Variants in NAV1 observed in about 807,000 individuals in gnomAD.
NAV1 encodes the protein pore membrane and/or filament interacting like protein 3.
In NAV1, 18 loss-of-function variants were observed where a neutral mutation model predicts 175.2. The ratio of observed to expected loss-of-function variants is 0.10; its 90% CI spans 0.07 to 0.15. NAV1 has a LOEUF of 0.15. NAV1 is among the 10% of genes least tolerant of loss of function. The probability of loss-of-function intolerance (pLI) is 1.00; values close to 1 mark genes in which losing one functional copy is unlikely to be tolerated. For synonymous variants in NAV1, 897 were observed against 978.7 expected (o/e 0.92, Z 1.56); for missense variants, 1,731 against 2,436.6 (o/e 0.71, Z 6.10).
chr1:201,657,891 G>A (rs1669465703), intron 1 of NAV1, among the ~76,000 whole-genome samples: 1 of 152,146 alleles, frequency 6.6e-6, no homozygotes, highest in Admixed American at 6.5e-5. Context: ...AAATTAGCCA[G>A]GAGTGGTGGC....
exon 1 of NAV1, chr1:201,622,987 G>A (rs899519109): frequency 1.0e-6 from 1 of 986,098 alleles, no homozygotes; most frequent in Non-Finnish European, 1.2e-6. Context: ...TACACCGGGC[G>A]CTTCTCCCCA....
chr1:201,763,263 A>ACTCAACTG (rs1674972858), intron 3 of NAV1, among the ~76,000 whole-genome samples: 1 of 152,174 alleles, frequency 6.6e-6, no homozygotes, highest in Non-Finnish European at 1.5e-5. Flanking sequence ...AAGTACACTA[A>ACTCAACTG]CTCAACTGTA....
intron 3 of NAV1, among the ~76,000 whole-genome samples, chr1:201,725,334 A>T (rs1389349327): frequency 6.6e-6 from 1 of 152,148 alleles, no homozygotes; most frequent in Non-Finnish European, 1.5e-5. Flanking sequence ...GGCCAGGCCT[A>T]GTTTTTGCTC....
chr1:201,632,270 C>G (rs1299542387), intron 2 of NAV1, among the ~76,000 whole-genome samples: 1 of 152,242 alleles, frequency 6.6e-6, no homozygotes, highest in Non-Finnish European at 1.5e-5. Context: ...TTGCCTCCAA[C>G]CTGGGGCACT....
intron 1 of NAV1, among the ~76,000 whole-genome samples, chr1:201,668,976 C>A (rs370712112): frequency 1.1e-4 from 16 of 152,096 alleles, no homozygotes; most frequent in African/African-American, 3.6e-4. Context: ...AATGCATGAC[C>A]AATGGCCTAA....
At chr1:201,550,588 T>A (rs1665827238) in intron 1 of NAV1, among the ~76,000 whole-genome samples, 1 of 152,196 alleles carries the variant, frequency 6.6e-6, no homozygotes, top group Non-Finnish European at 1.5e-5. Flanking sequence ...AGAAGAAAAA[T>A]TTTATCTGTA....
chr1:201,548,358 C>T (rs1358615563), intron 1 of NAV1, among the ~76,000 whole-genome samples: 3 of 152,088 alleles, frequency 2.0e-5, no homozygotes, highest in African/African-American at 4.8e-5. Flanking sequence ...CCTAGCAAGA[C>T]TCACCCCCCA....
chr1:201,701,767 C>T (rs1412108033), intron 1 of NAV1, among the ~76,000 whole-genome samples: 2 of 152,214 alleles, frequency 1.3e-5, no homozygotes, highest in East Asian at 3.8e-4. Context: ...TTGGAACTCT[C>T]ATATACTGCT....
chr1:201,731,337 C>T (rs367585186), intron 3 of NAV1, among the ~76,000 whole-genome samples: 24 of 152,152 alleles, frequency 1.6e-4, no homozygotes, highest in African/African-American at 2.9e-4. Flanking sequence ...GACACAGGCC[C>T]GCCGATGTGC....
At chr1:201,660,253 C>T (rs1309693453) in intron 1 of NAV1, among the ~76,000 whole-genome samples, 1 of 152,222 alleles carries the variant, frequency 6.6e-6, no homozygotes, top group Non-Finnish European at 1.5e-5. Flanking sequence ...CAGTGGATGG[C>T]AGCAGACATG....
chr1:201,641,667 C>A (rs764319870), intron 2 of NAV1, among the ~76,000 whole-genome samples: 1 of 152,140 alleles, frequency 6.6e-6, no homozygotes, highest in Non-Finnish European at 1.5e-5. Context: ...GCAGAGAAAA[C>A]GTATAGAAAA....
At chr1:201,650,023 C>T (rs1669128286) in intron 1 of NAV1, among the ~76,000 whole-genome samples, 1 of 152,216 alleles carries the variant, frequency 6.6e-6, no homozygotes, top group East Asian at 1.9e-4. Flanking sequence ...CTGTGCGCAT[C>T]TGGGCGCATG....
intron 1 of NAV1, among the ~76,000 whole-genome samples, chr1:201,552,037 C>T (rs956679857): frequency 4.6e-5 from 7 of 152,174 alleles, no homozygotes; most frequent in South Asian, 2.1e-4. Flanking sequence ...AATCAGGGGC[C>T]GTAGGGAGGC....
At chr1:201,680,550 C>A (rs536503259) in intron 1 of NAV1, among the ~76,000 whole-genome samples, 1 of 151,866 alleles carries the variant, frequency 6.6e-6, no homozygotes, top group East Asian at 1.9e-4. Flanking sequence ...AAATAAAGAA[C>A]CAGATCTTGG....
intron 1 of NAV1, among the ~76,000 whole-genome samples, chr1:201,571,232 C>T (rs1666532467): frequency 6.6e-6 from 1 of 152,194 alleles, no homozygotes; most frequent in African/African-American, 2.4e-5. Context: ...CTCTCTGAGT[C>T]TCATTTTCAT....
upstream of NAV1, among the ~76,000 whole-genome samples, chr1:201,618,987 G>T (rs1417376007): frequency 6.6e-6 from 1 of 152,022 alleles, no homozygotes; most frequent in African/African-American, 2.4e-5. Context: ...AAGATGGTCT[G>T]ATCCTCCCAG....
In NAV1 at chr1:201,812,031, G is replaced by A. The variant is rs1241079282; in HGVS notation, c.5024+57G>A. On this transcript the variant is annotated intron_variant, in intron 26 of 29. Coordinates refer to ENST00000367296, the Ensembl canonical transcript of NAV1. The surrounding 1 kb of genome is among the most constrained non-coding windows in gnomAD (Gnocchi z 4.6). ...ACCCTACCCAAGAGTCTTCAATCCT[G>A]GACTCTGGCCAGGAGGCAGTAGATA... The A allele has an allele frequency of 1.6e-5, 25 of 1,522,774 alleles. No homozygotes were observed. The highest frequency in any genetic ancestry group is 2.2e-5 in the Non-Finnish European group (24 of 1,097,184). The allele number at this position is 1,522,774 out of a possible 1,614,324, so 94.3% of individuals were successfully genotyped here. A position where few individuals can be genotyped will look rare whatever the true frequency, so the allele number is the denominator to read the frequency against.
chr1:201,696,956 T>G (rs1671218746), intron 1 of NAV1, among the ~76,000 whole-genome samples: 1 of 152,196 alleles, frequency 6.6e-6, no homozygotes, highest in African/African-American at 2.4e-5. Flanking sequence ...CCTTCTTGCC[T>G]CAGAACATTG....
At position 201,782,086 on chromosome 1, in the gene NAV1, G is replaced by A; in HGVS notation, c.1664-90G>A. ...TAAAAGTCTACAATACATGGACAAT[G>A]TTCCCTTCTCCCATGGAGGGAAAGA... is the stretch of plus-strand genomic sequence containing the variant. On this transcript the variant is annotated intron_variant, in intron 5 of 29. Transcript: ENST00000367296. This position sits in a 1 kb window ranked among gnomAD's most constrained non-coding sequence, Gnocchi z 5.4. 1 of 1,172,256 alleles carries A rather than the reference G, an allele frequency of 8.5e-7. No homozygotes were observed. Among genetic ancestry groups the A allele is most frequent in the Non-Finnish European group, 1.2e-6 (1 of 830,946 alleles). The allele number at this position is 1,172,256 out of a possible 1,614,324, so 72.6% of individuals were successfully genotyped here. A position where few individuals can be genotyped will look rare whatever the true frequency, so the allele number is the denominator to read the frequency against.
Sources: gnomAD v4.1 joint callset for allele counts (sites outside exome capture counted in the v4.1 genomes callset) on GRCh38, gnomAD v4.1.1 for gene constraint, Gnocchi (gnomAD v3.1) non-coding constraint, MANE v1.5 for transcripts, NCBI Gene and HGNC (gene_info 2026-07-23, HGNC 2026-07-21) for gene names.